The following CNIH3 variants were observed in gnomAD, a reference collection of about 807,000 sequenced individuals.
The protein encoded by CNIH3 is protein cornichon homolog 3.
In CNIH3, 14 loss-of-function variants were observed where a neutral mutation model predicts 24.1. The observed-to-expected ratio is 0.58, with a 90% confidence interval of 0.38 to 0.91. CNIH3 has a LOEUF of 0.91. Among genes scored for constraint, CNIH3 ranks in the 40% least tolerant of loss-of-function variants. The pLI is 0.00. For synonymous variants in CNIH3, 68 were observed against 73.8 expected (o/e 0.92, Z 0.40); for missense variants, 178 against 196.8 (o/e 0.90, Z 0.57).
At position 224,585,675 on chromosome 1, in the gene CNIH3, G is replaced by A. The variant is rs144350605; in HGVS notation, n.620+2408G>A. Among the ~76,000 whole-genome samples, 1,262 of 147,062 alleles carry A rather than the reference G, an allele frequency of 8.6e-3. 18 individuals carry two copies. Among genetic ancestry groups the A allele is most frequent in the African/African-American group, 0.026 (1,063 of 40,752 alleles). On this transcript the variant is annotated intron_variant and non_coding_transcript_variant, in intron 5 of 5. Coordinates refer to the CNIH3 transcript ENST00000471578. ...AACTTTTTTTTTTTTGTAGAGATGGGGGTCTCACTATGTTGCCCAGGCTGG... is the reference window on the plus strand; with the variant it reads ...AACTTTTTTTTTTTTGTAGAGATGGAGGTCTCACTATGTTGCCCAGGCTGG...
chr1:224,616,544 T>A lies in CNIH3; in HGVS notation c.-631T>A. 4.1e-6 allele frequency: 4 copies of A among 986,924 alleles called. No homozygotes were observed. Among genetic ancestry groups the A allele is most frequent in the Non-Finnish European group, 4.8e-6 (4 of 830,862 alleles). 61.1% of individuals were successfully genotyped at this position (986,924 alleles called of 1,614,324 possible). On this transcript the variant is annotated 5_prime_UTR_variant, in exon 1 of 6. Transcript: ENST00000272133. The stretch of plus-strand genomic sequence containing the variant: ...ACGGGCGCGCCTCGGAGCGCACGGC[T>A]GCGCTGGAAGCCGCGTCTGGGGCGC...
intron 2 of CNIH3, among the ~76,000 whole-genome samples, chr1:224,521,916 A>G (rs749572271): frequency 2.6e-5 from 4 of 152,206 alleles, no homozygotes; most frequent in African/African-American, 4.8e-5. Flanking sequence ...GTACCTAGCA[A>G]TGGAGTGTTA....
chr1:224,435,003 C>T (rs1338152834), intron 1 of CNIH3: 21 of 985,438 alleles, frequency 2.1e-5, no homozygotes, highest in Middle Eastern at 5.2e-4. Flanking sequence ...CTATCCCCGG[C>T]CCCGCTCGGG....
At chr1:224,510,046 C>T (rs1477778585) in intron 1 of CNIH3, among the ~76,000 whole-genome samples, 1 of 152,216 alleles carries the variant, frequency 6.6e-6, no homozygotes, top group Admixed American at 6.5e-5. Flanking sequence ...TTCCCGTGGG[C>T]TCCTAGCAGT....
At chr1:224,726,121 T>G (rs1396340971) in intron 3 of CNIH3, among the ~76,000 whole-genome samples, 1 of 152,256 alleles carries the variant, frequency 6.6e-6, no homozygotes, top group Non-Finnish European at 1.5e-5. Context: ...GAGCATGGCA[T>G]ATACTGCTCT....
intron 3 of CNIH3, among the ~76,000 whole-genome samples, chr1:224,603,288 T>C (rs1212351806): frequency 1.3e-5 from 2 of 152,254 alleles, no homozygotes; most frequent in Admixed American, 1.3e-4. Flanking sequence ...AGGCAGTTTC[T>C]TGCATGACTC....
rs932301930 is a variant in CNIH3, at chr1:224,584,878, C to T, written n.620+1611C>T. Reference sequence around the variant, plus strand: ...CAGCATTAAGTCTATGAGGATAGGACCAAGGGACATCTTTAGGAATGGGAA... The same window carrying T: ...CAGCATTAAGTCTATGAGGATAGGATCAAGGGACATCTTTAGGAATGGGAA... On this transcript the variant is annotated intron_variant and non_coding_transcript_variant, in intron 5 of 5. Coordinates refer to the CNIH3 transcript ENST00000471578. Among the ~76,000 whole-genome samples the T allele has an allele frequency of 3.3e-5, 5 of 152,136 alleles. No homozygotes were observed. The South Asian group carries it at 1.0e-3, about 32-fold the overall frequency.
At chr1:224,671,956 A>G (rs1271587740) in intron 1 of CNIH3, among the ~76,000 whole-genome samples, 1 of 151,868 alleles carries the variant, frequency 6.6e-6, no homozygotes, top group African/African-American at 2.4e-5. Context: ...AGACTTTAGG[A>G]CTCAAGGCTG....
chr1:224,483,259 AGAATT>A (rs1232745200), intron 1 of CNIH3, among the ~76,000 whole-genome samples: 9 of 152,212 alleles, frequency 5.9e-5, no homozygotes, highest in Non-Finnish European at 1.5e-5. Flanking sequence ...CTGAGGCACA[AGAATT>A]GCTTGAACTT....
intron 1 of CNIH3, among the ~76,000 whole-genome samples, chr1:224,469,826 A>G (rs1039820889): frequency 3.9e-5 from 6 of 152,176 alleles, no homozygotes; most frequent in Admixed American, 6.6e-5. Flanking sequence ...GGTTAGATCA[A>G]TATTTCCATG....
intron 1 of CNIH3, chr1:224,435,046 G>A: frequency 1.0e-6 from 1 of 985,598 alleles, no homozygotes; most frequent in Non-Finnish European, 1.2e-6. Flanking sequence ...CGGCTGGCTC[G>A]ACGAGCAGTA....
In CNIH3 at chr1:224,458,263, G is replaced by A. The variant is rs1350982300; in HGVS notation, n.203+23401G>A. On this transcript the variant is annotated intron_variant and non_coding_transcript_variant, in intron 1 of 5. Coordinates refer to the CNIH3 transcript ENST00000471578. This position sits in a 1 kb window ranked among gnomAD's most constrained non-coding sequence, Gnocchi z 4.3. ...TGGCTAGGGTGCCAAAGCCGAGAAA[G>A]GTCCCGTAGTCCCTGTGTGGTCAGC... is the stretch of plus-strand genomic sequence containing the variant. Among the ~76,000 whole-genome samples, 1 of 152,180 alleles carries A rather than the reference G, an allele frequency of 6.6e-6. No individual in the cohort carries two copies. Among genetic ancestry groups the A allele is most frequent in the African/African-American group, 2.4e-5 (1 of 41,426 alleles).
In CNIH3 at chr1:224,665,560, T is replaced by A. The variant is rs146792212; in HGVS notation, c.82-15398T>A. 5.1e-4 allele frequency among the ~76,000 whole-genome samples: 78 copies of A among 152,304 alleles called. No homozygotes were observed. The Middle Eastern group carries it at 0.01, about 20-fold the overall frequency. On this transcript the variant is annotated intron_variant, in intron 1 of 5. Coordinates refer to ENST00000272133, the MANE Select transcript of CNIH3 (RefSeq NM_152495.2). The stretch of plus-strand genomic sequence containing the variant: ...TGGAATGCAGCAATGAGCAAAACAG[T>A]GTCTCCTTACCTGGAGCAGTACCTC...
intron 1 of CNIH3, among the ~76,000 whole-genome samples, chr1:224,500,911 G>A (rs970461535): frequency 2.6e-5 from 4 of 152,114 alleles, no homozygotes; most frequent in Non-Finnish European, 5.9e-5. Context: ...GCTGGAACCC[G>A]AGGAAGCAGC....
rs535529564 is a variant in CNIH3, at chr1:224,586,631, G to A, written n.621-1730G>A. Among the ~76,000 whole-genome samples, 4 of 152,296 alleles carry A rather than the reference G, an allele frequency of 2.6e-5. No homozygotes were observed. In the South Asian group the frequency reaches 8.3e-4, roughly 32 times the overall value. On this transcript the variant is annotated intron_variant and non_coding_transcript_variant, in intron 5 of 5. Transcript: ENST00000471578. ...TGTCTCAGCATGATGTGTATAGCGG[G>A]TTGAACAGTGTCCCCCAAGTTTGTG...
At chr1:224,492,559 T>C (rs902796563) in intron 1 of CNIH3, among the ~76,000 whole-genome samples, 1 of 152,256 alleles carries the variant, frequency 6.6e-6, no homozygotes, top group Non-Finnish European at 1.5e-5. Context: ...AGTTTATAGA[T>C]AAAATCTATT....
At chr1:224,695,839 T>C (rs1479664903) in intron 3 of CNIH3, among the ~76,000 whole-genome samples, 1 of 152,204 alleles carries the variant, frequency 6.6e-6, no homozygotes, top group Non-Finnish European at 1.5e-5. Context: ...AGCCTGACCT[T>C]CTCAGCAATA....
intron 3 of CNIH3, among the ~76,000 whole-genome samples, chr1:224,715,262 C>A (rs1688368445): frequency 6.6e-6 from 1 of 152,206 alleles, no homozygotes; most frequent in Non-Finnish European, 1.5e-5. Context: ...CCTGACTCTG[C>A]ACCCTCTGGT....
chr1:224,651,722 T>C (rs1684868468), intron 1 of CNIH3, among the ~76,000 whole-genome samples: 1 of 152,232 alleles, frequency 6.6e-6, no homozygotes, highest in Non-Finnish European at 1.5e-5. Context: ...TGTGTCACTG[T>C]TTATTCAATC....
Sources: gnomAD v4.1 joint callset for allele counts (sites outside exome capture counted in the v4.1 genomes callset) on GRCh38, gnomAD v4.1.1 for gene constraint, Gnocchi (gnomAD v3.1) non-coding constraint, MANE v1.5 for transcripts, NCBI Gene and HGNC (gene_info 2026-07-23, HGNC 2026-07-21) for gene names.